Variants in DPEP1 observed in about 807,000 individuals in gnomAD.
The protein encoded by DPEP1 is beta-lactamase.
A neutral mutation model predicts 42.3 loss-of-function variants in DPEP1; 50 were observed. That is an observed-to-expected ratio of 1.18 (90% CI 0.94 to 1.50). DPEP1 has a LOEUF of 1.50. Among genes scored for constraint, DPEP1 ranks in the 40% most tolerant of loss-of-function variants. DPEP1 has a pLI of 0.00. For missense variants in DPEP1, 663 were observed against 553.0 expected, an observed-to-expected ratio of 1.20 and a Z score of -1.99; for synonymous variants, 297 against 234.0, an observed-to-expected ratio of 1.27 and a Z score of -2.46.
chr16:89,624,477 A>G (rs2059482392), intron 1 of DPEP1, among the ~76,000 whole-genome samples: 1 of 152,180 alleles, frequency 6.6e-6, no homozygotes, highest in South Asian at 2.1e-4. Flanking sequence ...GGGATTTATT[A>G]AAGCGAGAAA....
Position 89,635,949 on chromosome 16 carries a change from A to G in DPEP1, c.146A>G (p.Asn49Ser), listed in dbSNP as rs1567991261. 1 of 1,611,784 alleles carries G rather than the reference A, an allele frequency of 6.2e-7. No individual in the cohort carries two copies. Among genetic ancestry groups the G allele is most frequent in the South Asian group, 1.1e-5 (1 of 90,970 alleles). Residue 49 changes from asparagine (N) to serine (S), a missense_variant, in exon 3 of 11, where the codon AAC becomes AGC. Transcript: ENST00000690203. ...LPWQLLDMFNNRLQDERANLT... is the reference protein window; with the variant it reads ...LPWQLLDMFNSRLQDERANLT... Reference sequence around the variant, plus strand: ...TGGCAGCTGCTGGATATGTTCAACAACCGGCTGCAGGACGAGAGGGCCAAC... The same window carrying G: ...TGGCAGCTGCTGGATATGTTCAACAGCCGGCTGCAGGACGAGAGGGCCAAC...
rs2059412394 is a variant in DPEP1 at position 89,618,977 on chromosome 16, CCGCTCCCCTCCCTG to C, written c.-107+5260_-107+5273del. ...CCCTCCCTGCAGCCCCCCTGCCCCC[CCGCTCCCCTCCCTG>C]CAGCCCCCTGCCCCCCCCGCTCCCC... On this transcript the variant is annotated intron_variant, in intron 1 of 10. Coordinates refer to ENST00000690203, the MANE Select transcript of DPEP1 (RefSeq NM_001389466.1). Among the ~76,000 whole-genome samples the C allele has an allele frequency of 5.8e-5, 2 of 34,408 alleles. 1 individual carries two copies. The highest frequency in any genetic ancestry group is 2.2e-4 in the African/African-American group (2 of 9,208). 22.6% of individuals were successfully genotyped at this position (34,408 alleles called of 152,430 possible). A position where few individuals can be genotyped will look rare whatever the true frequency, so the allele number is the denominator to read the frequency against.
chr16:89,632,988 T>C (rs2059608910), intron 2 of DPEP1, among the ~76,000 whole-genome samples: 1 of 152,084 alleles, frequency 6.6e-6, no homozygotes, highest in African/African-American at 2.4e-5. Context: ...AGCTGCCCCA[T>C]TGCAGCCTGT....
downstream of DPEP1, among the ~76,000 whole-genome samples, chr16:89,639,966 C>T (rs1169104022): frequency 6.6e-6 from 1 of 152,178 alleles, no homozygotes; most frequent in Non-Finnish European, 1.5e-5. Context: ...TGAGCTGCTG[C>T]GCCCAGCCCA....
downstream of DPEP1, among the ~76,000 whole-genome samples, chr16:89,638,638 C>T (rs1381869656): frequency 1.3e-5 from 2 of 150,954 alleles, no homozygotes; most frequent in Non-Finnish European, 3.0e-5. Flanking sequence ...TCACCTCCAG[C>T]CATGCACCGG....
At chr16:89,630,283 C>T (rs973235697) in intron 1 of DPEP1, 22 bp from the exon 2 acceptor site, 32 of 657,256 alleles carry the variant, frequency 4.9e-5, no homozygotes, top group Non-Finnish European at 1.6e-5. Context: ...TCCACCCACA[C>T]CTCTGGTGCC....
Position 89,630,401 on chromosome 16 carries a change from G to A in DPEP1, c.-10G>A, listed in dbSNP as rs1344816933. 1.1e-5 allele frequency: 18 copies of A among 1,607,886 alleles called. No homozygotes were observed. The highest frequency in any genetic ancestry group is 1.4e-5 in the Non-Finnish European group (17 of 1,176,902). On this transcript the variant is annotated 5_prime_UTR_variant, in exon 2 of 11. Coordinates refer to ENST00000690203, the MANE Select transcript of DPEP1 (RefSeq NM_001389466.1). The stretch of plus-strand genomic sequence containing the variant: ...GGCAGCAGTGCACACAGGTCCCCGG[G>A]GACCCCACCATGTGGAGCGGATGGT...
downstream of DPEP1, chr16:89,638,575 G>C (rs1005210779): frequency 1.1e-6 from 1 of 888,266 alleles, no homozygotes; most frequent in Non-Finnish European, 1.4e-6. Flanking sequence ...TGTGAAAAGG[G>C]CTTTGTAGAG....
rs1243374192 is a variant in DPEP1, at chr16:89,631,577, C to A, written c.104+1063C>A. On this transcript the variant is annotated intron_variant, in intron 2 of 10. Transcript: ENST00000690203. Reference sequence around the variant, plus strand: ...CGCATAAGAACTTCAGGGAACAGTCCAGGCTGGGCAGTTCACGCCTGTAAT... The same window carrying A: ...CGCATAAGAACTTCAGGGAACAGTCAAGGCTGGGCAGTTCACGCCTGTAAT... 2.6e-5 allele frequency among the ~76,000 whole-genome samples: 4 copies of A among 152,204 alleles called. No homozygotes were observed. The South Asian group carries it at 6.2e-4, about 24-fold the overall frequency.
intron 1 of DPEP1, among the ~76,000 whole-genome samples, chr16:89,619,784 A>C (rs1223338947): frequency 4.3e-3 from 1 of 234 alleles, no homozygotes; most frequent in African/African-American, 0.029. Context: ...AGCCCCCTGC[A>C]CCCCCTCCCT....
At chr16:89,628,247 C>CTTTTT (rs1334855414) in intron 1 of DPEP1, among the ~76,000 whole-genome samples, 2 of 84,576 alleles carry the variant, frequency 2.4e-5, no homozygotes, top group African/African-American at 1.1e-4. Flanking sequence ...TTCTTTCTTT[C>CTTTTT]TTTTCTTTCT....
At chr16:89,621,523 C>T (rs906017854) in intron 1 of DPEP1, among the ~76,000 whole-genome samples, 30 of 152,306 alleles carry the variant, frequency 2.0e-4, no homozygotes, top group East Asian at 1.7e-3. Flanking sequence ...GGGCCTCCCA[C>T]GGAGAGAGAC....
chr16:89,635,943 T>G lies in DPEP1; in HGVS notation c.140T>G (p.Phe47Cys). ...NDLPWQLLDM[F>C]NNRLQDERAN... ...CTCCCCTGGCAGCTGCTGGATATGT[T>G]CAACAACCGGCTGCAGGACGAGAGG... is the stretch of plus-strand genomic sequence containing the variant. Residue 47 changes from phenylalanine to cysteine, a missense_variant, in exon 3 of 11, where the codon TTC (phenylalanine) becomes TGC (cysteine). Transcript: ENST00000690203. 1 of 1,611,434 alleles carries G rather than the reference T, an allele frequency of 6.2e-7. No individual in the cohort carries two copies. Among genetic ancestry groups the G allele is most frequent in the Non-Finnish European group, 8.5e-7 (1 of 1,179,328 alleles).
In DPEP1 at chr16:89,637,826, C is replaced by G. The variant is rs1391805001; in HGVS notation, c.930-10C>G. Reference sequence around the variant, plus strand: ...GTGTGGGGGCCCAGGTTCTCCTGGCCTCAACACAGGGTCCCTGAGGGGCTG... The same window carrying G: ...GTGTGGGGGCCCAGGTTCTCCTGGCGTCAACACAGGGTCCCTGAGGGGCTG... On this transcript the variant is annotated splice_polypyrimidine_tract_variant and intron_variant, in intron 9 of 10. Transcript: ENST00000690203. 3.7e-6 allele frequency: 6 copies of G among 1,612,670 alleles called. No individual in the cohort carries two copies. The highest frequency in any genetic ancestry group is 5.1e-6 in the Non-Finnish European group (6 of 1,179,848).
chr16:89,624,413 T>C (rs1352301471), intron 1 of DPEP1, among the ~76,000 whole-genome samples: 1 of 151,846 alleles, frequency 6.6e-6, no homozygotes, highest in Non-Finnish European at 1.5e-5. Flanking sequence ...AACAAAGAAG[T>C]GGACAAAACG....
rs774180885 is a variant in DPEP1 at position 89,635,937 on chromosome 16, A to G, written c.134A>G (p.Asp45Gly). ...AATGACCTCCCCTGGCAGCTGCTGG[A>G]TATGTTCAACAACCGGCTGCAGGAC... ...GHNDLPWQLL[D>G]MFNNRLQDER... The change falls in exon 3 of 11, where the codon GAT becomes GGT. Residue 45 changes from aspartate to glycine, a missense_variant. Coordinates refer to ENST00000690203, the MANE Select transcript of DPEP1 (RefSeq NM_001389466.1). The G allele has an allele frequency of 1.9e-5, 30 of 1,610,460 alleles. No homozygotes were observed. In the Admixed American group the frequency reaches 4.7e-4, roughly 25 times the overall value.
At chr16:89,626,068 TG>T (rs1450312110) in intron 1 of DPEP1, among the ~76,000 whole-genome samples, 27 of 152,256 alleles carry the variant, frequency 1.8e-4, no homozygotes, top group African/African-American at 5.1e-4. Flanking sequence ...TCCCTCTACC[TG>T]CCCCCCGTCC....
chr16:89,614,140 G>A (rs962922557), intron 1 of DPEP1, among the ~76,000 whole-genome samples: 9 of 152,070 alleles, frequency 5.9e-5, no homozygotes, highest in Non-Finnish European at 1.3e-4. Flanking sequence ...TGGGACTCAA[G>A]GAGGTGGGAG....
chr16:89,632,485 C>G (rs1178452303), intron 2 of DPEP1, among the ~76,000 whole-genome samples: 1 of 152,168 alleles, frequency 6.6e-6, no homozygotes, highest in African/African-American at 2.4e-5. Context: ...TTTAAAGTCA[C>G]AAAGGAAAAG....
Sources: gnomAD v4.1 joint callset for allele counts (sites outside exome capture counted in the v4.1 genomes callset) on GRCh38, gnomAD v4.1.1 for gene constraint, MANE v1.5 for transcripts, NCBI Gene and HGNC (gene_info 2026-07-23, HGNC 2026-07-21) for gene names.